Variants in FRMD4A observed in about 807,000 individuals in gnomAD.
FRMD4A encodes FERM domain containing 4A.
Under a neutral mutation model 129.1 loss-of-function variants are expected in FRMD4A, and 29 were observed. The observed-to-expected ratio is 0.22, with a 90% confidence interval of 0.17 to 0.31. FRMD4A has a LOEUF of 0.31. FRMD4A is among the 10% of genes least tolerant of loss of function. FRMD4A has a pLI of 1.00. For synonymous variants in FRMD4A, 634 were observed against 571.6 expected (o/e 1.11, Z -1.56); for missense variants, 1,272 against 1,375.8 (o/e 0.92, Z 1.19).
At chr10:14,105,721 T>C (rs972859069) in intron 2 of FRMD4A, among the ~76,000 whole-genome samples, 1 of 152,212 alleles carries the variant, frequency 6.6e-6, no homozygotes, top group Non-Finnish European at 1.5e-5. Context: ...GACTGGTATG[T>C]CTCGCTTCAC....
intron 13 of FRMD4A, among the ~76,000 whole-genome samples, chr10:13,704,257 T>C (rs2087173949): frequency 6.6e-6 from 1 of 152,198 alleles, no homozygotes; most frequent in Admixed American, 6.5e-5. Flanking sequence ...AGCCATTTCC[T>C]TTCCTTGTGT....
intron 8 of FRMD4A, among the ~76,000 whole-genome samples, chr10:13,753,496 T>C (rs1290143408): frequency 6.6e-6 from 1 of 151,960 alleles, no homozygotes; most frequent in Non-Finnish European, 1.5e-5. Flanking sequence ...CAACTGTTTG[T>C]TGGGGGCAAC....
intron 2 of FRMD4A, among the ~76,000 whole-genome samples, chr10:14,295,167 C>A (rs1159239945): frequency 6.6e-6 from 1 of 152,064 alleles, no homozygotes; most frequent in Non-Finnish European, 1.5e-5. Context: ...GGCTTTGCAA[C>A]CTTCCAGATT....
rs10430804 is a variant in FRMD4A, at chr10:14,202,936, G to T, written c.45+127122C>A. 7.4e-3 allele frequency among the ~76,000 whole-genome samples: 1,131 copies of T among 152,124 alleles called. 58 individuals carry two copies. The East Asian group carries it at 0.15, about 20-fold the overall frequency. ...TACAAGGCAGGCACCACCAAGCCTGGCTAATTTTGTATTTTTCGTAGAGAC... is the reference window on the plus strand; with the variant it reads ...TACAAGGCAGGCACCACCAAGCCTGTCTAATTTTGTATTTTTCGTAGAGAC... On this transcript the variant is annotated intron_variant, in intron 2 of 24. Coordinates refer to ENST00000357447, the MANE Select transcript of FRMD4A (RefSeq NM_018027.5).
chr10:13,975,469 ATGTGTCTGTGTGTCATTG>A (rs989088962), intron 2 of FRMD4A, among the ~76,000 whole-genome samples: 4 of 150,172 alleles, frequency 2.7e-5, no homozygotes, highest in African/African-American at 9.8e-5. Flanking sequence ...TTTGTCTATT[ATGTGTCTGTGTGTCATTG>A]TGTGTCTGTG....
chr10:13,782,168 A>G (rs1222316462), intron 6 of FRMD4A, among the ~76,000 whole-genome samples: 1 of 152,188 alleles, frequency 6.6e-6, no homozygotes, highest in Non-Finnish European at 1.5e-5. Flanking sequence ...ACTGTCTCAA[A>G]GTGACAATAG....
intron 2 of FRMD4A, among the ~76,000 whole-genome samples, chr10:14,059,623 A>G (rs1264406685): frequency 6.6e-6 from 1 of 152,220 alleles, no homozygotes; most frequent in Non-Finnish European, 1.5e-5. Flanking sequence ...ACTGTGAGAA[A>G]TACATTTCTA....
intron 3 of FRMD4A, among the ~76,000 whole-genome samples, chr10:13,813,168 G>C (rs769694672): frequency 3.3e-5 from 5 of 152,250 alleles, no homozygotes; most frequent in Non-Finnish European, 5.9e-5. Context: ...GTAGTGGCCG[G>C]GCGCCATGGC....
At chr10:14,211,027 A>G (rs1757165319) in intron 2 of FRMD4A, among the ~76,000 whole-genome samples, 1 of 152,164 alleles carries the variant, frequency 6.6e-6, no homozygotes, top group African/African-American at 2.4e-5. Flanking sequence ...GTGCTCAGCC[A>G]GATATTCAAT....
chr10:13,942,437 C>T lies in FRMD4A; in HGVS notation c.46-83525G>A, dbSNP rs1038048481. 5.3e-5 allele frequency among the ~76,000 whole-genome samples: 8 copies of T among 152,260 alleles called. 1 individual carries two copies. In the South Asian group the frequency reaches 1.0e-3, roughly 20 times the overall value. On this transcript the variant is annotated intron_variant, in intron 2 of 24. Transcript: ENST00000357447. ...TCATCAGACAGAGATAACTGAGCTA[C>T]GGGCCCTCAAGGCTACACTGGAGCA...
At chr10:14,278,555 C>A (rs1845416149) in intron 2 of FRMD4A, among the ~76,000 whole-genome samples, 1 of 152,186 alleles carries the variant, frequency 6.6e-6, no homozygotes, top group African/African-American at 2.4e-5. Flanking sequence ...TTCTTACAAC[C>A]CTTTGTTGAA....
At chr10:14,087,072 G>A (rs1406662696) in intron 2 of FRMD4A, among the ~76,000 whole-genome samples, 1 of 152,020 alleles carries the variant, frequency 6.6e-6, no homozygotes, top group Non-Finnish European at 1.5e-5. Context: ...GAAACTGCCA[G>A]GGCAAATTGG....
intron 2 of FRMD4A, among the ~76,000 whole-genome samples, chr10:14,041,426 T>C (rs1312549798): frequency 6.6e-6 from 1 of 152,252 alleles, no homozygotes; most frequent in Admixed American, 6.5e-5. Flanking sequence ...TGTCCTTTTG[T>C]CTGTTTACAA....
intron 8 of FRMD4A, among the ~76,000 whole-genome samples, chr10:13,750,119 A>AT (rs2091534739): frequency 2.0e-5 from 3 of 147,960 alleles, no homozygotes; most frequent in Non-Finnish European, 4.5e-5. Context: ...GAAGAAAGAA[A>AT]GAAAGAAAGA....
intron 2 of FRMD4A, among the ~76,000 whole-genome samples, chr10:14,188,659 C>G (rs12571266): frequency 0.24 from 36,693 of 152,118 alleles, 4,761 homozygotes; most frequent in Admixed American, 0.31. Flanking sequence ...GTAGCTCAGA[C>G]TTTGAGAGGC....
chr10:13,728,570 A>ATTTTTTTTTTTTTTTTT (rs1386167455), intron 12 of FRMD4A, among the ~76,000 whole-genome samples: 17 of 28,648 alleles, frequency 5.9e-4, no homozygotes, highest in Non-Finnish European at 9.3e-4. Flanking sequence ...GGTGATTACC[A>ATTTTTTTTTTTTTTTTT]TTCTTTTTTT....
chr10:14,209,614 G>T (rs1030700184), intron 2 of FRMD4A, among the ~76,000 whole-genome samples: 1 of 152,006 alleles, frequency 6.6e-6, no homozygotes. Flanking sequence ...CCAATTACTC[G>T]GGAGGCTGAG....
intron 16 of FRMD4A, among the ~76,000 whole-genome samples, chr10:13,673,798 CAG>C (rs1415404409): frequency 3.8e-5 from 4 of 105,840 alleles, no homozygotes; most frequent in African/African-American, 1.6e-4. Context: ...TTTTTTGAGA[CAG>C]GGTCTTGCTC....
At chr10:14,289,246 G>A (rs1033048505) in intron 2 of FRMD4A, among the ~76,000 whole-genome samples, 12 of 152,006 alleles carry the variant, frequency 7.9e-5, no homozygotes, top group Admixed American at 3.3e-4. Context: ...CGGTGTACAA[G>A]GGCTCCAATT....
Sources: allele counts gnomAD v4.1 joint callset (sites outside exome capture counted in the v4.1 genomes callset), GRCh38; gene constraint gnomAD v4.1.1; transcripts MANE v1.5; gene names NCBI Gene and HGNC (gene_info 2026-07-23, HGNC 2026-07-21).